Variants in MYH6 observed in about 807,000 individuals in gnomAD.
MYH6 encodes myosin heavy chain 6.
MYH6 carries 126 observed loss-of-function variants against 223.2 expected under a neutral mutation model. That is an observed-to-expected ratio of 0.56 (90% confidence interval 0.49 to 0.65). The LOEUF (loss-of-function observed/expected upper bound fraction) is 0.65, where lower values mean the gene tolerates loss of function less well. Ranked by LOEUF, MYH6 falls within the 30% of genes least tolerant of loss-of-function variation. The pLI is 0.00. For missense variants in MYH6, 2,040 were observed against 2,536.4 expected (o/e 0.80, Z 4.20); for synonymous variants, 978 against 1,010.2 (o/e 0.97, Z 0.61).
rs534863712 is a variant in MYH6, at chr14:23,397,728, C to G, written c.1892-115G>C. ...TCTGAGACTTTGGGCAAGGAATTCTCCAAGATTCAGTTTACCATGAGGATG... is the reference window on the plus strand; with the variant it reads ...TCTGAGACTTTGGGCAAGGAATTCTGCAAGATTCAGTTTACCATGAGGATG... On this transcript the variant is annotated intron_variant, in intron 15 of 38. Coordinates refer to ENST00000405093, the MANE Select transcript of MYH6 (RefSeq NM_002471.4). 91 of 1,082,132 alleles carry G rather than the reference C, an allele frequency of 8.4e-5. No homozygotes were observed. The East Asian group carries it at 2.1e-3, about 25-fold the overall frequency. The allele number at this position is 1,082,132 out of a possible 1,614,324, so 67.0% of individuals were successfully genotyped here.
In MYH6 at chr14:23,386,282, A is replaced by G. The variant is rs377482458; in HGVS notation, c.4959+33T>C. 2.7e-5 allele frequency: 44 copies of G among 1,614,062 alleles called. No individual in the cohort carries two copies. In the African/African-American group the frequency reaches 4.4e-4, roughly 16 times the overall value. On this transcript the variant is annotated intron_variant, in intron 33 of 38. Coordinates refer to ENST00000405093, the MANE Select transcript of MYH6 (RefSeq NM_002471.4). ...TGCTTCTCCAGGCCACATGGAGGCC[A>G]GTCCCCTGAGGGGACCTCCCGCCCC... is the stretch of plus-strand genomic sequence containing the variant.
chr14:23,402,377 A>G (rs907225055), intron 12 of MYH6, 87 bp downstream of exon 12: 3 of 1,588,486 alleles, frequency 1.9e-6, no homozygotes, highest in Non-Finnish European at 2.6e-6. Flanking sequence ...CTGCCCCACA[A>G]GCCTCAGAGT....
chr14:23,387,787 G>T lies in MYH6; in HGVS notation c.4496C>A (p.Thr1499Asn), dbSNP rs2138587576. The change falls in exon 31 of 39, where the codon ACC becomes AAC. Residue 1499 changes from threonine to asparagine, a missense_variant. By Grantham distance (65) the Thr-to-Asn change is moderately conservative. Around this residue, in one of 4 missense-constraint regions of MYH6, gnomAD observed 1,203 missense variants for 1,400.2 expected, o/e 0.86. Transcript: ENST00000405093. ...AAGGTTCTTGTTCTCCCGCTTGAAG[G>T]TCTCTAGGTGCTCCAGGGACTCCTC... ...AYEESLEHLE[T>N]FKRENKNLQE... 6.2e-7 allele frequency: 1 copy of T among 1,614,044 alleles called. No homozygotes were observed. Among genetic ancestry groups the T allele is most frequent in the African/African-American group, 1.3e-5 (1 of 74,974 alleles).
rs1440822764 is a variant in MYH6 at position 23,390,040 on chromosome 14, G to A, written c.3732+17C>T. 6.2e-7 allele frequency: 1 copy of A among 1,613,492 alleles called. No individual in the cohort carries two copies. The highest frequency in any genetic ancestry group is 1.7e-5 in the Admixed American group (1 of 60,008). ...CTGTGCAGGGGAGAGGGCGAGGGGA[G>A]GCCGAGCAGAGCCTGCCTTGGCCTT... is the stretch of plus-strand genomic sequence containing the variant. On this transcript the variant is annotated intron_variant, in intron 26 of 38. Transcript: ENST00000405093.
At chr14:23,387,022 T>C (rs953058698) in intron 32 of MYH6, among the ~76,000 whole-genome samples, 2 of 152,192 alleles carry the variant, frequency 1.3e-5, no homozygotes, top group Non-Finnish European at 2.9e-5. Context: ...CCCAGGTGCT[T>C]AGAAATGAAG....
chr14:23,401,058 G>A (rs1220086613), intron 12 of MYH6, 81 bp from the exon 13 acceptor site: 1 of 1,554,134 alleles, frequency 6.4e-7, no homozygotes, highest in Admixed American at 1.9e-5. Flanking sequence ...CCAGGCTTGA[G>A]TGCAGTGGCA....
At chr14:23,398,565 GC>G (rs1273308634) in intron 15 of MYH6, among the ~76,000 whole-genome samples, 162 bp downstream of exon 15, 2 of 152,216 alleles carry the variant, frequency 1.3e-5, no homozygotes, top group African/African-American at 4.8e-5. Context: ...AACGGCAGGT[GC>G]TACAGAAGCC....
rs151153336 is a variant in MYH6, at chr14:23,404,106, G to T, written c.735+190C>A. ...GGTGAAGGAACTAGGGCTCAGAGAG[G>T]TGTAAGGACTTGCTGAGCAAGTGGA... On this transcript the variant is annotated intron_variant, in intron 8 of 38. Coordinates refer to ENST00000405093, the MANE Select transcript of MYH6 (RefSeq NM_002471.4). 8.6e-4 allele frequency among the ~76,000 whole-genome samples: 131 copies of T among 152,350 alleles called. No individual in the cohort carries two copies. In the East Asian group the frequency reaches 0.01, roughly 12 times the overall value.
chr14:23,401,324 G>T (rs1270916527), intron 12 of MYH6, among the ~76,000 whole-genome samples: 1 of 152,216 alleles, frequency 6.6e-6, no homozygotes, highest in East Asian at 1.9e-4. Flanking sequence ...ACACTTTCAG[G>T]GAGTGAGCCT....
chr14:23,398,355 C>T (rs750672443), intron 15 of MYH6, among the ~76,000 whole-genome samples: 1 of 152,170 alleles, frequency 6.6e-6, no homozygotes, highest in Non-Finnish European at 1.5e-5. Context: ...TCATTTCAAG[C>T]CACATCCTTT....
At chr14:23,399,087 G>A (rs1226823647) in intron 14 of MYH6, 50 bp from the exon 15 acceptor site, 1 of 1,602,758 alleles carries the variant, frequency 6.2e-7, no homozygotes, top group South Asian at 1.1e-5. Context: ...CACACTCCCA[G>A]GCTTCCACAG....
chr14:23,399,056 G>T lies in MYH6; in HGVS notation c.1582-19C>A, dbSNP rs368446209. On this transcript the variant is annotated intron_variant, in intron 14 of 38. Transcript: ENST00000405093. ...CCATGGGCTGAGGGCAGGGTGAAGA[G>T]GCAAAGAGAGAATCACTGAGCACAC... The T allele has an allele frequency of 1.2e-6, 2 of 1,613,532 alleles. No individual in the cohort carries two copies. The highest frequency in any genetic ancestry group is 1.7e-6 in the Non-Finnish European group (2 of 1,179,594).
chr14:23,385,755 A>G (rs1254584885), intron 34 of MYH6, among the ~76,000 whole-genome samples, 173 bp downstream of exon 34: 1 of 152,128 alleles, frequency 6.6e-6, no homozygotes, highest in Non-Finnish European at 1.5e-5. Flanking sequence ...TTCTAAGTAG[A>G]GACCGCTTTC....
Position 23,407,375 on chromosome 14 carries a change from C to A in MYH6, c.-13-139G>T. On this transcript the variant is annotated intron_variant, in intron 2 of 38. Transcript: ENST00000405093. This position sits in a 1 kb window ranked among gnomAD's most constrained non-coding sequence, Gnocchi z 5.6. Reference sequence around the variant, plus strand: ...GAGGCACCTGCTGTTGCACCCTCCCCTACTCAGGGCTCTGCTTCTCCTGCC... The same window carrying A: ...GAGGCACCTGCTGTTGCACCCTCCCATACTCAGGGCTCTGCTTCTCCTGCC... 1 of 1,130,192 alleles carries A rather than the reference C, an allele frequency of 8.8e-7. No homozygotes were observed. Among genetic ancestry groups the A allele is most frequent in the East Asian group, 2.5e-5 (1 of 39,542 alleles). The allele number at this position is 1,130,192 out of a possible 1,614,324, so 70.0% of individuals were successfully genotyped here.
At chr14:23,385,711 G>A (rs528453640) in intron 34 of MYH6, among the ~76,000 whole-genome samples, 2 of 152,154 alleles carry the variant, frequency 1.3e-5, no homozygotes, top group South Asian at 4.2e-4. Flanking sequence ...TGTGGCTTTG[G>A]CAGGTATCAG....
At chr14:23,392,373 G>C (rs948771789) in intron 25 of MYH6, among the ~76,000 whole-genome samples, 189 bp downstream of exon 25, 8 of 152,112 alleles carry the variant, frequency 5.3e-5, no homozygotes, top group Non-Finnish European at 1.2e-4. Context: ...AAACAGTTTT[G>C]CTAACGTAAT....
At chr14:23,399,797 T>G (rs1595061028) in intron 14 of MYH6, 2 of 236,802 alleles carry the variant, frequency 8.4e-6, no homozygotes, top group Non-Finnish European at 1.7e-5. Flanking sequence ...AGAGCAGAGG[T>G]TCACTGAGAG....
chr14:23,404,590 A>T, intron 7 of MYH6, 121 bp downstream of exon 7: 1 of 1,136,170 alleles, frequency 8.8e-7, no homozygotes, highest in African/African-American at 1.5e-5. Context: ...TGGGCTGACC[A>T]TCGGGAGCCC....
chr14:23,382,760 C>G (rs1015340004), intron 37 of MYH6, among the ~76,000 whole-genome samples, 198 bp from the exon 38 acceptor site: 2 of 152,214 alleles, frequency 1.3e-5, no homozygotes, highest in African/African-American at 4.8e-5. Context: ...TCCTTCACGG[C>G]CATCCACTGC....
Sources: gnomAD v4.1 joint callset for allele counts (sites outside exome capture counted in the v4.1 genomes callset) on GRCh38, gnomAD v4.1.1 for gene constraint, gnomAD v4.1.1 regional missense constraint, Gnocchi (gnomAD v3.1) non-coding constraint, MANE v1.5 for transcripts, NCBI Gene and HGNC (gene_info 2026-07-23, HGNC 2026-07-21) for gene names.